Variants in SPHKAP observed in about 807,000 individuals in gnomAD.
SPHKAP encodes A-kinase anchor protein SPHKAP.
A neutral mutation model predicts 137.5 loss-of-function variants in SPHKAP; 67 were observed. The ratio of observed to expected loss-of-function variants is 0.49; its 90% CI spans 0.40 to 0.60. The LOEUF (loss-of-function observed/expected upper bound fraction) is 0.60. Ranked by LOEUF, SPHKAP falls within the 20% of genes least tolerant of loss-of-function variation. SPHKAP has a pLI of 0.00. For missense variants in SPHKAP, 2,097 were observed against 2,069.3 expected, an observed-to-expected ratio of 1.01 and a Z score of -0.26; for synonymous variants, 813 against 785.3, an observed-to-expected ratio of 1.04 and a Z score of -0.59.
At chr2:228,175,917 A>G (rs1193091382) in intron 1 of SPHKAP, among the ~76,000 whole-genome samples, 1 of 152,198 alleles carries the variant, frequency 6.6e-6, no homozygotes, top group African/African-American at 2.4e-5. Flanking sequence ...ATTCACCAGT[A>G]TTAACTTAAA....
chr2:228,129,007 A>G (rs1002870696), intron 2 of SPHKAP, among the ~76,000 whole-genome samples: 1 of 152,176 alleles, frequency 6.6e-6, no homozygotes, highest in African/African-American at 2.4e-5. Flanking sequence ...GCCGTCACTT[A>G]AAGTTACCAG....
chr2:228,095,448 G>A (rs1190922015), intron 3 of SPHKAP, among the ~76,000 whole-genome samples: 2 of 152,174 alleles, frequency 1.3e-5, no homozygotes, highest in African/African-American at 2.4e-5. Flanking sequence ...AAGAATTAAA[G>A]AGAGACTAGT....
chr2:228,009,041 T>C (rs1262431776), intron 7 of SPHKAP, among the ~76,000 whole-genome samples: 1 of 152,224 alleles, frequency 6.6e-6, no homozygotes, highest in African/African-American at 2.4e-5. Context: ...GGGATTGTAA[T>C]GAATCTATAG....
At chr2:228,138,479 T>C (rs1699501779) in intron 1 of SPHKAP, among the ~76,000 whole-genome samples, 1 of 152,238 alleles carries the variant, frequency 6.6e-6, no homozygotes, top group Non-Finnish European at 1.5e-5. Flanking sequence ...TTTTTTTCTT[T>C]CTTTCCTAGG....
intron 2 of SPHKAP, among the ~76,000 whole-genome samples, chr2:228,126,626 G>A (rs1699083062): frequency 6.6e-6 from 1 of 152,114 alleles, no homozygotes; most frequent in Non-Finnish European, 1.5e-5. Context: ...AGAGAAAATG[G>A]GGGTCTTTAA....
intron 3 of SPHKAP, among the ~76,000 whole-genome samples, chr2:228,092,200 C>CATACACACATAT (rs575840881): frequency 7.8e-6 from 1 of 128,424 alleles, no homozygotes; most frequent in African/African-American, 2.7e-5. Context: ...CATACACATG[C>CATACACACATAT]ATACACACAT....
chr2:228,143,199 G>A (rs558429672), intron 1 of SPHKAP, among the ~76,000 whole-genome samples: 48 of 152,220 alleles, frequency 3.2e-4, no homozygotes, highest in African/African-American at 1.2e-3. Flanking sequence ...ACACAGTTGG[G>A]TGCAAAATAT....
chr2:228,091,029 G>A (rs986911655), intron 3 of SPHKAP, among the ~76,000 whole-genome samples: 2 of 152,254 alleles, frequency 1.3e-5, no homozygotes, highest in South Asian at 2.1e-4. Context: ...GTAACATGCA[G>A]CTAGAGTAAA....
chr2:228,103,904 T>C (rs1225677203), intron 3 of SPHKAP, among the ~76,000 whole-genome samples: 1 of 152,128 alleles, frequency 6.6e-6, no homozygotes, highest in Non-Finnish European at 1.5e-5. Flanking sequence ...AGGAGAATCA[T>C]GTCTGCAATC....
intron 9 of SPHKAP, among the ~76,000 whole-genome samples, chr2:227,992,974 G>A (rs1374463041): frequency 6.6e-6 from 1 of 152,026 alleles, no homozygotes; most frequent in Non-Finnish European, 1.5e-5. Flanking sequence ...CATATTTTAG[G>A]ATGTATGTAC....
intron 3 of SPHKAP, among the ~76,000 whole-genome samples, chr2:228,046,766 G>A (rs1209663644): frequency 1.3e-5 from 2 of 152,112 alleles, no homozygotes; most frequent in Non-Finnish European, 2.9e-5. Context: ...AGAATTCCAG[G>A]AGGTAATTGA....
chr2:228,079,132 G>A (rs1697278621), intron 3 of SPHKAP, among the ~76,000 whole-genome samples: 2 of 152,210 alleles, frequency 1.3e-5, no homozygotes, highest in African/African-American at 2.4e-5. Context: ...GTGGGAAATG[G>A]TTTCAGGATG....
In SPHKAP at chr2:228,019,587, A is replaced by C. The variant is rs1431507743; in HGVS notation, c.1267T>G (p.Ser423Ala). Reference protein sequence around the residue: ...TLPQESAVSVSVGSSLLPSCY... With the variant: ...TLPQESAVSVAVGSSLLPSCY... ...CTGGGAAGCAGAGAACTTCCTACAG[A>C]AACACTGACTGCAGATTCCTGGGGT... Residue 423 changes from serine (S) to alanine (A), a missense_variant, in exon 7 of 12, where the codon TCT becomes GCT. By Grantham distance (99) the Ser-to-Ala change is moderately conservative (BLOSUM62 1). Coordinates refer to ENST00000392056, the MANE Select transcript of SPHKAP (RefSeq NM_001142644.2). 6.2e-7 allele frequency: 1 copy of C among 1,614,172 alleles called. No individual in the cohort carries two copies. The highest frequency in any genetic ancestry group is 8.5e-7 in the Non-Finnish European group (1 of 1,180,004).
At chr2:228,081,377 AG>A (rs1697360370) in intron 3 of SPHKAP, among the ~76,000 whole-genome samples, 1 of 152,210 alleles carries the variant, frequency 6.6e-6, no homozygotes, top group Non-Finnish European at 1.5e-5. Context: ...CTTTTCTTCT[AG>A]GCATGTCCTT....
intron 2 of SPHKAP, among the ~76,000 whole-genome samples, chr2:228,129,540 G>A (rs68134055): frequency 0.34 from 51,993 of 151,648 alleles, 9,185 homozygotes; most frequent in East Asian, 0.51. Context: ...TATTTAGGTC[G>A]GGCCATACAA....
chr2:228,109,420 C>T, intron 2 of SPHKAP: 1 of 961,972 alleles, frequency 1.0e-6, no homozygotes, highest in Non-Finnish European at 1.2e-6. Context: ...TCTAGAACAC[C>T]TAAGGTACTA....
chr2:228,046,880 T>A (rs951904578), intron 3 of SPHKAP, among the ~76,000 whole-genome samples: 4 of 152,162 alleles, frequency 2.6e-5, no homozygotes, highest in Non-Finnish European at 5.9e-5. Context: ...CAGCTGAGCA[T>A]TGAAGTTTAT....
chr2:228,124,096 G>A (rs1272689293), intron 2 of SPHKAP, among the ~76,000 whole-genome samples: 1 of 151,920 alleles, frequency 6.6e-6, no homozygotes, highest in African/African-American at 2.4e-5. Context: ...AGGTGCAGGA[G>A]AGGATGTGGA....
At chr2:228,038,351 G>T (rs377588384) in intron 3 of SPHKAP, among the ~76,000 whole-genome samples, 1 of 152,138 alleles carries the variant, frequency 6.6e-6, no homozygotes, top group African/African-American at 2.4e-5. Context: ...GTAGTGGGAA[G>T]CTGAAATAAA....
Sources: allele counts gnomAD v4.1 joint callset (sites outside exome capture counted in the v4.1 genomes callset), GRCh38; gene constraint gnomAD v4.1.1; transcripts MANE v1.5; gene names NCBI Gene and HGNC (gene_info 2026-07-23, HGNC 2026-07-21).